Variants in TENM3 observed in about 807,000 individuals in gnomAD.
TENM3 encodes the protein teneurin transmembrane protein 3, also known as teneurin-3.
TENM3 carries 63 observed loss-of-function variants against 255.1 expected under a neutral mutation model. The observed-to-expected ratio is 0.25, with a 90% CI of 0.20 to 0.30. The LOEUF (loss-of-function observed/expected upper bound fraction) is 0.30, where lower values mean the gene tolerates loss of function less well. Among genes scored for constraint, TENM3 ranks in the 10% least tolerant of loss-of-function variants. The pLI, the probability that TENM3 is intolerant of heterozygous loss-of-function variation, is 1.00. For synonymous variants in TENM3, 1,306 were observed against 1,322.3 expected (o/e 0.99, Z 0.27); for missense variants, 2,929 against 3,461.1 (o/e 0.85, Z 3.86).
At chr4:182,399,649 C>A (rs1478331667) in intron 3 of TENM3, among the ~76,000 whole-genome samples, 1 of 152,156 alleles carries the variant, frequency 6.6e-6, no homozygotes, top group Non-Finnish European at 1.5e-5. Context: ...TGCCATGGCC[C>A]ATTTGAGCTG....
intron 19 of TENM3, among the ~76,000 whole-genome samples, chr4:182,749,551 T>C (rs1762231999): frequency 6.6e-6 from 1 of 152,194 alleles, no homozygotes; most frequent in Non-Finnish European, 1.5e-5. Context: ...CTAGGCCCTG[T>C]TCTAAGGATC....
the TENM3 span, among the ~76,000 whole-genome samples, chr4:181,669,725 T>C: frequency 1.9e-3 from 295 of 152,264 alleles, 2 homozygotes; most frequent in African/African-American, 6.8e-3. Context: ...GTCTATCTAG[T>C]CCTGACACAC....
chr4:182,023,630 G>T, the TENM3 span, among the ~76,000 whole-genome samples: 1 of 152,210 alleles, frequency 6.6e-6, no homozygotes, highest in African/African-American at 2.4e-5. Context: ...ATGGAAAATT[G>T]TATCTCAGCA....
rs1197589431 is a variant in TENM3, at chr4:182,583,899, T to C, written c.512-17025T>C. 2.6e-5 allele frequency among the ~76,000 whole-genome samples: 4 copies of C among 152,194 alleles called. No individual in the cohort carries two copies. In the East Asian group the frequency reaches 7.7e-4, roughly 29 times the overall value. The stretch of plus-strand genomic sequence containing the variant: ...GTGAGCTATGTGTCTTTGGCACTTA[T>C]TTTGCATAAATTATAATACTGTGTT... On this transcript the variant is annotated intron_variant, in intron 3 of 27. Coordinates refer to ENST00000511685, the MANE Select transcript of TENM3 (RefSeq NM_001080477.4).
At chr4:182,621,810 T>A (rs1186191010) in intron 4 of TENM3, among the ~76,000 whole-genome samples, 1 of 98,390 alleles carries the variant, frequency 1.0e-5, no homozygotes, top group African/African-American at 4.3e-5. Flanking sequence ...AATATATATA[T>A]TATATATATA....
chr4:181,813,221 C>A, the TENM3 span, among the ~76,000 whole-genome samples: 1 of 152,214 alleles, frequency 6.6e-6, no homozygotes, highest in African/African-American at 2.4e-5. Context: ...GTAAGGGTAG[C>A]AATCCCATTC....
the TENM3 span, among the ~76,000 whole-genome samples, chr4:181,587,472 AACTAAT>A: frequency 6.6e-6 from 1 of 152,198 alleles, no homozygotes; most frequent in Admixed American, 6.5e-5. Flanking sequence ...CAGTGAGTAC[AACTAAT>A]ACTTCATAGC....
chr4:182,571,945 A>G (rs932867350), intron 3 of TENM3, among the ~76,000 whole-genome samples: 4 of 152,216 alleles, frequency 2.6e-5, no homozygotes, highest in Non-Finnish European at 5.9e-5. Flanking sequence ...TCTGTCACCC[A>G]GGCTGGAGTG....
At chr4:181,456,678 A>G in the TENM3 span, among the ~76,000 whole-genome samples, 1 of 152,012 alleles carries the variant, frequency 6.6e-6, no homozygotes, top group South Asian at 2.1e-4. Context: ...TAGATATATA[A>G]ATATGTAAAT....
At chr4:182,679,406 T>C (rs1579090820) in intron 7 of TENM3, among the ~76,000 whole-genome samples, 1 of 152,160 alleles carries the variant, frequency 6.6e-6, no homozygotes, top group South Asian at 2.1e-4. Flanking sequence ...GTCAGTAGAA[T>C]TAAATAAATT....
intron 3 of TENM3, among the ~76,000 whole-genome samples, chr4:182,578,386 TG>T (rs1416336015): frequency 1.3e-5 from 2 of 152,160 alleles, no homozygotes; most frequent in African/African-American, 4.8e-5. Flanking sequence ...TCCTGCATAT[TG>T]TTCTCCCCTT....
chr4:182,799,570 C>G lies in TENM3; in HGVS notation c.7345-26C>G. 6.5e-7 allele frequency: 1 copy of G among 1,530,186 alleles called. No individual in the cohort carries two copies. The highest frequency in any genetic ancestry group is 8.7e-7 in the Non-Finnish European group (1 of 1,144,934). 94.8% of individuals were successfully genotyped at this position (1,530,186 alleles called of 1,614,324 possible). On this transcript the variant is annotated intron_variant, in intron 27 of 27. Transcript: ENST00000511685. This position sits in a 1 kb window ranked among gnomAD's most constrained non-coding sequence, Gnocchi z 4.2. ...GGGAGGCTCCCGGCCGCCTCTGACG[C>G]GCCCCCTCTTTTGTTTCGCCCGCAG... is the stretch of plus-strand genomic sequence containing the variant.
In TENM3 at chr4:182,517,008, G is replaced by GA. The variant is rs553433166; in HGVS notation, c.512-83908dup. On this transcript the variant is annotated intron_variant, in intron 3 of 27. Coordinates refer to ENST00000511685, the MANE Select transcript of TENM3 (RefSeq NM_001080477.4). ...GGAAGAATGAGTGTATTTCATATAAGAAAAAAAATAAGGAATTTCAAGGCA... is the reference window on the plus strand; with the variant it reads ...GGAAGAATGAGTGTATTTCATATAAGAAAAAAAAATAAGGAATTTCAAGGCA... 7.9e-5 allele frequency among the ~76,000 whole-genome samples: 12 copies of GA among 151,392 alleles called. No homozygotes were observed. The Middle Eastern group carries it at 0.01, about 131-fold the overall frequency.
At chr4:181,849,949 T>TCTCTCTCTCTCTCTCTCACACACACA in the TENM3 span, among the ~76,000 whole-genome samples, 2 of 65,962 alleles carry the variant, frequency 3.0e-5, no homozygotes, top group African/African-American at 8.7e-5. Flanking sequence ...TCTCTCTCTC[T>TCTCTCTCTCTCTCTCTCACACACACA]CACACACACA....
the TENM3 span, among the ~76,000 whole-genome samples, chr4:181,591,666 G>A: frequency 1.2e-4 from 18 of 152,238 alleles, no homozygotes; most frequent in Admixed American, 6.5e-4. Flanking sequence ...CATTTCAGCC[G>A]GGGCATTACA....
In TENM3 at chr4:182,680,439, G is replaced by A. The variant is rs371962435; in HGVS notation, c.1639+90G>A. Reference sequence around the variant, plus strand: ...AAAACTACCGAGACAGGAAAGAAAGGGGGGGGGAGACTGGCATATTGCTTG... The same window carrying A: ...AAAACTACCGAGACAGGAAAGAAAGAGGGGGGGAGACTGGCATATTGCTTG... On this transcript the variant is annotated intron_variant, in intron 9 of 27. Transcript: ENST00000511685. 1.0e-4 allele frequency: 145 copies of A among 1,416,964 alleles called. 2 individuals carry two copies. The highest frequency in any genetic ancestry group is 8.9e-4 in the East Asian group (39 of 43,982). 87.8% of individuals were successfully genotyped at this position (1,416,964 alleles called of 1,614,324 possible).
the TENM3 span, among the ~76,000 whole-genome samples, chr4:182,031,414 T>C: frequency 6.6e-6 from 1 of 152,184 alleles, no homozygotes; most frequent in Non-Finnish European, 1.5e-5. Context: ...TTGGTCTATG[T>C]ATCTGTTTTT....
the TENM3 span, among the ~76,000 whole-genome samples, chr4:182,128,391 T>G: frequency 6.6e-6 from 1 of 152,152 alleles, no homozygotes; most frequent in African/African-American, 2.4e-5. Flanking sequence ...TTGCCCAGGT[T>G]GGTCTTTAAC....
intron 3 of TENM3, among the ~76,000 whole-genome samples, chr4:182,359,668 C>T (rs1239502842): frequency 6.9e-6 from 1 of 144,884 alleles, no homozygotes; most frequent in Non-Finnish European, 1.5e-5. Flanking sequence ...TTCAAAAAAC[C>T]AGCTCCTGGA....
Sources: allele counts gnomAD v4.1 joint callset (sites outside exome capture counted in the v4.1 genomes callset), GRCh38; gene constraint gnomAD v4.1.1; non-coding constraint Gnocchi (gnomAD v3.1); transcripts MANE v1.5; gene names NCBI Gene and HGNC (gene_info 2026-07-23, HGNC 2026-07-21).